The following CELF2 variants were observed in gnomAD, a reference collection of about 807,000 sequenced individuals.
CELF2 encodes CUGBP Elav-like family member 2, also known as CUG triplet repeat RNA-binding protein 2.
In CELF2, 8 loss-of-function variants were observed where a neutral mutation model predicts 62.6. The observed-to-expected ratio is 0.13, with a 90% CI of 0.07 to 0.23. CELF2 has a LOEUF of 0.23. Ranked by LOEUF, CELF2 falls within the 10% of genes least tolerant of loss-of-function variation. The probability of loss-of-function intolerance (pLI) is 1.00; values close to 1 mark genes in which losing one functional copy is unlikely to be tolerated. For missense variants in CELF2, 333 were observed against 671.0 expected (o/e 0.50, Z 5.56); for synonymous variants, 258 against 250.0 (o/e 1.03, Z -0.30).
At chr10:10,932,614 G>C (rs1006532747) in intron 2 of CELF2, among the ~76,000 whole-genome samples, 1 of 151,926 alleles carries the variant, frequency 6.6e-6, no homozygotes, top group Admixed American at 6.6e-5. Flanking sequence ...AATTTTAGTA[G>C]AAGAAAGCAT....
At chr10:10,801,027 GC>G (rs2054606387) in intron 1 of CELF2, among the ~76,000 whole-genome samples, 2 of 151,700 alleles carry the variant, frequency 1.3e-5, no homozygotes, top group Admixed American at 1.3e-4. Flanking sequence ...AACATGTATC[GC>G]CCCCAAAGGC....
intron 1 of CELF2, among the ~76,000 whole-genome samples, chr10:10,847,698 A>C (rs1398861274): frequency 6.6e-6 from 1 of 152,222 alleles, no homozygotes. Context: ...TGTCTGTTTT[A>C]AAGCAGTGGC....
At chr10:10,751,918 T>C in the CELF2 span, among the ~76,000 whole-genome samples, 1 of 152,204 alleles carries the variant, frequency 6.6e-6, no homozygotes, top group African/African-American at 2.4e-5. Flanking sequence ...ACCTGGCTCT[T>C]TGATTAAAGT....
chr10:11,289,360 T>G (rs1300166656), intron 9 of CELF2, among the ~76,000 whole-genome samples: 1 of 152,034 alleles, frequency 6.6e-6, no homozygotes, highest in Non-Finnish European at 1.5e-5. Flanking sequence ...GCCCCAAGGA[T>G]TAGCTAAGTG....
chr10:11,199,386 T>C (rs1026794627), intron 2 of CELF2, among the ~76,000 whole-genome samples: 1 of 152,154 alleles, frequency 6.6e-6, no homozygotes, highest in African/African-American at 2.4e-5. Context: ...CTGTTGTTCC[T>C]TGAGCCCGGG....
intron 1 of CELF2, among the ~76,000 whole-genome samples, chr10:10,897,327 G>A (rs2062627795): frequency 6.6e-6 from 1 of 152,272 alleles, no homozygotes; most frequent in South Asian, 2.1e-4. Flanking sequence ...TAGCTGAATT[G>A]CCTTGTAGGG....
At chr10:10,468,918 C>T in the CELF2 span, among the ~76,000 whole-genome samples, 27 of 151,860 alleles carry the variant, frequency 1.8e-4, no homozygotes, top group Non-Finnish European at 3.4e-4. Context: ...AGTAGGGGCT[C>T]TTTTCAAACT....
chr10:10,858,275 C>T (rs2059865059), intron 1 of CELF2, among the ~76,000 whole-genome samples: 1 of 152,012 alleles, frequency 6.6e-6, no homozygotes, highest in Admixed American at 6.6e-5. Context: ...TCTCTGTGGC[C>T]TCTCATCACC....
the CELF2 span, among the ~76,000 whole-genome samples, chr10:10,581,536 C>G: frequency 6.6e-6 from 1 of 152,120 alleles, no homozygotes; most frequent in Non-Finnish European, 1.5e-5. Flanking sequence ...AACAGAAAAA[C>G]AGCACACTGT....
the CELF2 span, among the ~76,000 whole-genome samples, chr10:10,503,190 T>C: frequency 6.6e-6 from 1 of 152,002 alleles, no homozygotes; most frequent in Non-Finnish European, 1.5e-5. Flanking sequence ...TGACAATAAT[T>C]CATATTCTGC....
In CELF2 at chr10:11,046,986, A is replaced by G. The variant is rs894919552; in HGVS notation, c.74+28823A>G. 1.4e-5 allele frequency among the ~76,000 whole-genome samples: 2 copies of G among 147,508 alleles called. No individual in the cohort carries two copies. Among genetic ancestry groups the G allele is most frequent in the Admixed American group, 6.9e-5 (1 of 14,414 alleles). Reference sequence around the variant, plus strand: ...CAGACCCATTGTTTATTTCGCTCACATTTTCCTAGGTCTGAGCGCTGGAGT... The same window carrying G: ...CAGACCCATTGTTTATTTCGCTCACGTTTTCCTAGGTCTGAGCGCTGGAGT... On this transcript the variant is annotated intron_variant, in intron 1 of 12. Transcript: ENST00000633077. This position sits in a 1 kb window ranked among gnomAD's most constrained non-coding sequence, Gnocchi z 4.6.
intron 1 of CELF2, among the ~76,000 whole-genome samples, chr10:10,840,856 A>G (rs1299190757): frequency 6.6e-6 from 1 of 151,602 alleles, no homozygotes; most frequent in East Asian, 2.0e-4. Context: ...CCCACCCCCT[A>G]ACAGGCCCCG....
At chr10:10,692,446 G>T in the CELF2 span, among the ~76,000 whole-genome samples, 1 of 148,072 alleles carries the variant, frequency 6.8e-6, no homozygotes, top group Admixed American at 6.7e-5. Flanking sequence ...GTAGTGTGAT[G>T]CCTCCAGCTT....
chr10:10,624,081 G>T, the CELF2 span, among the ~76,000 whole-genome samples: 1 of 152,138 alleles, frequency 6.6e-6, no homozygotes, highest in South Asian at 2.1e-4. Flanking sequence ...TATCTCTGTG[G>T]CTTGGAATGA....
intron 1 of CELF2, among the ~76,000 whole-genome samples, chr10:10,891,651 C>T (rs893987316): frequency 6.6e-6 from 1 of 152,124 alleles, no homozygotes; most frequent in African/African-American, 2.4e-5. Flanking sequence ...GACTTGACTT[C>T]AGGCCTCGGT....
intron 3 of CELF2, among the ~76,000 whole-genome samples, chr10:11,234,416 C>T (rs2070219513): frequency 6.6e-6 from 1 of 152,224 alleles, no homozygotes; most frequent in South Asian, 2.1e-4. Flanking sequence ...GGCGCGGTGG[C>T]TCACGCCTAT....
the CELF2 span, among the ~76,000 whole-genome samples, chr10:10,471,059 G>A: frequency 1.5e-4 from 23 of 150,062 alleles, no homozygotes; most frequent in East Asian, 4.5e-3. Context: ...CAGATACTTA[G>A]GGCCATTCTA....
chr10:10,668,259 A>T, the CELF2 span, among the ~76,000 whole-genome samples: 2 of 152,134 alleles, frequency 1.3e-5, no homozygotes, highest in African/African-American at 4.8e-5. Flanking sequence ...TATCACCCCA[A>T]ATTCTCCTCA....
the CELF2 span, chr10:10,792,398 A>G: frequency 5.0e-6 from 2 of 398,308 alleles, no homozygotes; most frequent in African/African-American, 2.1e-5. Flanking sequence ...TTCAAGGGCA[A>G]TATTCCGGGT....
Sources: gnomAD v4.1 joint callset for allele counts (sites outside exome capture counted in the v4.1 genomes callset) on GRCh38, gnomAD v4.1.1 for gene constraint, Gnocchi (gnomAD v3.1) non-coding constraint, MANE v1.5 for transcripts, NCBI Gene and HGNC (gene_info 2026-07-23, HGNC 2026-07-21) for gene names.